The following ANKRD36 variants were observed in gnomAD, a reference collection of about 807,000 sequenced individuals.
The protein encoded by ANKRD36 is ankyrin repeat domain 36, also known as ankyrin repeat domain-containing protein 36A.
Under a neutral mutation model 278.1 loss-of-function variants are expected in ANKRD36, and 179 were observed. The ratio of observed to expected loss-of-function variants is 0.64; its 90% confidence interval spans 0.57 to 0.73. The LOEUF (loss-of-function observed/expected upper bound fraction) is 0.73, where lower values mean the gene tolerates loss of function less well. Among genes scored for constraint, ANKRD36 ranks in the 30% least tolerant of loss-of-function variants. ANKRD36 has a pLI of 0.00. For synonymous variants in ANKRD36, 320 were observed against 641.1 expected, an observed-to-expected ratio of 0.50 and a Z score of 7.57; for missense variants, 1,159 against 1,956.7, an observed-to-expected ratio of 0.59 and a Z score of 7.69.
chr2:97,181,105 T>C (rs532952960), intron 24 of ANKRD36, among the ~76,000 whole-genome samples: 90 of 151,784 alleles, frequency 5.9e-4, no homozygotes, highest in African/African-American at 2.1e-3. Flanking sequence ...ACACTTCCAC[T>C]GAAGAGATGT....
Position 97,160,432 on chromosome 2 carries a change from T to C in ANKRD36, c.1390-1667T>C, listed in dbSNP as rs1200652677. ...TCTCTGGAAGCATTATTAACTTTAGTATTTATAGTTGTTATACCTTGCACA... is the reference window on the plus strand; with the variant it reads ...TCTCTGGAAGCATTATTAACTTTAGCATTTATAGTTGTTATACCTTGCACA... On this transcript the variant is annotated intron_variant, in intron 17 of 75. Transcript: ENST00000420699. Among the ~76,000 whole-genome samples the C allele has an allele frequency of 4.6e-5, 7 of 152,296 alleles. No individual in the cohort carries two copies. In the East Asian group the frequency reaches 1.3e-3, roughly 29 times the overall value.
intron 22 of ANKRD36, among the ~76,000 whole-genome samples, chr2:97,178,986 A>G (rs1412757131): frequency 1.3e-5 from 2 of 151,622 alleles, no homozygotes; most frequent in African/African-American, 4.8e-5. Context: ...GCTTATTCAT[A>G]TCTAATGCTT....
intron 68 of ANKRD36, among the ~76,000 whole-genome samples, chr2:97,235,308 T>C (rs536208506): frequency 5.1e-3 from 773 of 150,846 alleles, no homozygotes; most frequent in African/African-American, 0.019. Flanking sequence ...CCTTTGTCAG[T>C]CATAAGCTGG....
chr2:97,224,436 G>GTTTTTTTTTT (rs1457069314), intron 66 of ANKRD36, among the ~76,000 whole-genome samples: 1 of 142,474 alleles, frequency 7.0e-6, no homozygotes, highest in Non-Finnish European at 1.5e-5. Flanking sequence ...CTATCGTTTT[G>GTTTTTTTTTT]TTTTTTTGTT....
chr2:97,145,421 C>A (rs1202206871), intron 10 of ANKRD36, among the ~76,000 whole-genome samples: 1 of 151,862 alleles, frequency 6.6e-6, no homozygotes, highest in Non-Finnish European at 1.5e-5. Context: ...ATCAGTGAGT[C>A]AAATGAGATA....
chr2:97,152,265 T>C (rs986882423), intron 13 of ANKRD36, among the ~76,000 whole-genome samples: 2 of 146,790 alleles, frequency 1.4e-5, no homozygotes, highest in Non-Finnish European at 3.1e-5. Flanking sequence ...GCTGCTAGGA[T>C]TACAGGCATG....
chr2:97,117,475 TAAAC>T (rs2035793586), intron 1 of ANKRD36, among the ~76,000 whole-genome samples: 2 of 152,042 alleles, frequency 1.3e-5, no homozygotes, highest in Non-Finnish European at 2.9e-5. Flanking sequence ...ATAAATGTAA[TAAAC>T]AATTAATTGT....
chr2:97,181,028 G>C (rs1261113834), intron 24 of ANKRD36, among the ~76,000 whole-genome samples: 2 of 151,644 alleles, frequency 1.3e-5, no homozygotes, highest in Non-Finnish European at 2.9e-5. Context: ...TACACCACAT[G>C]GGTGTGAGAA....
chr2:97,206,162 A>G, intron 52 of ANKRD36, 27 bp downstream of exon 52: 1 of 1,516,248 alleles, frequency 6.6e-7, no homozygotes, highest in East Asian at 2.5e-5. Flanking sequence ...ATTTAATGCC[A>G]TGTTCAGTCG....
chr2:97,159,034 A>G (rs2048208700), intron 17 of ANKRD36, among the ~76,000 whole-genome samples: 1 of 152,110 alleles, frequency 6.6e-6, no homozygotes, highest in Non-Finnish European at 1.5e-5. Flanking sequence ...GAAAGAAGTA[A>G]GAATACAGAG....
chr2:97,159,731 T>TA (rs906810498), intron 17 of ANKRD36, among the ~76,000 whole-genome samples: 3 of 150,808 alleles, frequency 2.0e-5, no homozygotes, highest in Admixed American at 2.0e-4. Flanking sequence ...AATTAAATAA[T>TA]AAAAAATAAT....
At chr2:97,169,372 C>T (rs533906736) in intron 22 of ANKRD36, among the ~76,000 whole-genome samples, 7 of 152,402 alleles carry the variant, frequency 4.6e-5, no homozygotes, top group South Asian at 2.1e-4. Flanking sequence ...GGAGAGATTG[C>T]GAACATTTTC....
intron 46 of ANKRD36, 71 bp from the exon 47 acceptor site, chr2:97,202,131 C>A (rs1308787665): frequency 3.1e-5 from 49 of 1,597,024 alleles, no homozygotes; most frequent in Non-Finnish European, 3.7e-5. Context: ...TTGATTCTAA[C>A]AGTGCTCGAA....
chr2:97,208,826 C>A (rs1160276168), intron 54 of ANKRD36, among the ~76,000 whole-genome samples: 5 of 146,650 alleles, frequency 3.4e-5, no homozygotes, highest in African/African-American at 5.3e-5. Context: ...TACTCCCAAC[C>A]AGACTATTTT....
At chr2:97,165,389 C>G (rs1484776059) in intron 20 of ANKRD36, among the ~76,000 whole-genome samples, 5 of 152,060 alleles carry the variant, frequency 3.3e-5, no homozygotes, top group Non-Finnish European at 7.4e-5. Context: ...CATGCTGATA[C>G]AAAATGAACA....
At chr2:97,205,488 T>C (rs1454799279) in intron 50 of ANKRD36, among the ~76,000 whole-genome samples, 1 of 151,522 alleles carries the variant, frequency 6.6e-6, no homozygotes, top group Non-Finnish European at 1.5e-5. Flanking sequence ...TTGTGTGCCT[T>C]CTCAGTTATT....
chr2:97,132,854 C>T (rs1407810371), intron 6 of ANKRD36, among the ~76,000 whole-genome samples: 2 of 152,022 alleles, frequency 1.3e-5, no homozygotes, highest in African/African-American at 2.4e-5. Flanking sequence ...CCTGTAGCTT[C>T]GAATTTTGAC....
At chr2:97,198,535 T>G in intron 43 of ANKRD36, 44 bp downstream of exon 43, 1 of 1,565,388 alleles carries the variant, frequency 6.4e-7, no homozygotes, top group Non-Finnish European at 8.6e-7. Context: ...AAATGCATAG[T>G]CTATGAAACA....
chr2:97,195,169 C>T (rs1297439198), intron 40 of ANKRD36, among the ~76,000 whole-genome samples: 2 of 151,994 alleles, frequency 1.3e-5, no homozygotes, highest in Non-Finnish European at 2.9e-5. Flanking sequence ...ACATAAGGGG[C>T]TCTGGGGCCC....
Sources: gnomAD v4.1 joint callset for allele counts (sites outside exome capture counted in the v4.1 genomes callset) on GRCh38, gnomAD v4.1.1 for gene constraint, MANE v1.5 for transcripts, NCBI Gene and HGNC (gene_info 2026-07-23, HGNC 2026-07-21) for gene names.